Variants in PCNX2 observed in about 807,000 individuals in gnomAD.
PCNX2 encodes pecanex-like protein 2.
Under a neutral mutation model 223.8 loss-of-function variants are expected in PCNX2, and 168 were observed. The ratio of observed to expected loss-of-function variants is 0.75; its 90% CI spans 0.66 to 0.85. PCNX2 has a LOEUF of 0.85. PCNX2 is among the 40% of genes least tolerant of loss of function. The pLI is 0.00. For synonymous variants in PCNX2, 1,006 were observed against 1,052.6 expected (o/e 0.96, Z 0.86); for missense variants, 2,507 against 2,675.5 (o/e 0.94, Z 1.39).
chr1:233,054,678 G>A, intron 24 of PCNX2, 195 bp from the exon 25 acceptor site: 1 of 540,018 alleles, frequency 1.9e-6, no homozygotes, highest in Non-Finnish European at 3.3e-6. Context: ...TATTCTCTCT[G>A]TGTAATTTAT....
chr1:233,093,593 G>A (rs1673997824), intron 22 of PCNX2, among the ~76,000 whole-genome samples: 1 of 152,166 alleles, frequency 6.6e-6, no homozygotes, highest in Non-Finnish European at 1.5e-5. Context: ...TGAACAGCAT[G>A]ATGTTGGACT....
intron 15 of PCNX2, among the ~76,000 whole-genome samples, chr1:233,179,444 T>C (rs974763134): frequency 5.9e-5 from 9 of 152,220 alleles, no homozygotes; most frequent in Admixed American, 3.3e-4. Flanking sequence ...AAGCTTAGAA[T>C]GTTCTATAGA....
chr1:233,164,602 G>T (rs971842464), intron 17 of PCNX2, among the ~76,000 whole-genome samples: 1 of 150,518 alleles, frequency 6.6e-6, no homozygotes, highest in Non-Finnish European at 1.5e-5. Flanking sequence ...TACCATTTTT[G>T]CATATGATAT....
At chr1:233,110,743 A>T (rs11581843) in intron 21 of PCNX2, among the ~76,000 whole-genome samples, 28,197 of 151,584 alleles carry the variant, frequency 0.19, 2,746 homozygotes, top group East Asian at 0.25. Context: ...GCACAAAGGA[A>T]AGGAAGGAGA....
chr1:233,208,540 T>C lies in PCNX2; in HGVS notation c.2841A>G (p.Gln947=), dbSNP rs1423135220. 1.9e-6 allele frequency: 3 copies of C among 1,613,840 alleles called. No individual in the cohort carries two copies. Among genetic ancestry groups the C allele is most frequent in the Non-Finnish European group, 2.5e-6 (3 of 1,179,844 alleles). The change falls in exon 13 of 34, where the codon CAA becomes CAG. Residue 947 remains glutamine (Q), a synonymous_variant. Coordinates refer to ENST00000258229, the MANE Select transcript of PCNX2 (RefSeq NM_014801.4). The part of the protein sequence containing the change: ...GLKLFSPVFL[Q]SARDYLIVFL... ...CACCTATTAAGTAGTCCCTAGCTGATTGTAGAAACACTGGAGAGAAGAGCT... is the reference window on the plus strand; with the variant it reads ...CACCTATTAAGTAGTCCCTAGCTGACTGTAGAAACACTGGAGAGAAGAGCT...
chr1:233,230,992 T>C (rs1403128640), intron 9 of PCNX2, among the ~76,000 whole-genome samples: 4 of 152,192 alleles, frequency 2.6e-5, no homozygotes, highest in Non-Finnish European at 1.5e-5. Flanking sequence ...TTTGATGATA[T>C]TAGTAATTGC....
chr1:233,016,513 T>G (rs1249146891), intron 27 of PCNX2, among the ~76,000 whole-genome samples: 3 of 152,220 alleles, frequency 2.0e-5, no homozygotes, highest in Non-Finnish European at 4.4e-5. Flanking sequence ...TGACAGAAGT[T>G]AAGTTGGACC....
chr1:233,131,522 C>T (rs1221351267), intron 21 of PCNX2, among the ~76,000 whole-genome samples: 2 of 152,070 alleles, frequency 1.3e-5, no homozygotes, highest in Admixed American at 6.6e-5. Flanking sequence ...GGCTTTTTTC[C>T]AGGAAAATCA....
intron 32 of PCNX2, among the ~76,000 whole-genome samples, chr1:232,995,108 C>T (rs1287399753): frequency 1.3e-5 from 2 of 152,154 alleles, no homozygotes; most frequent in African/African-American, 4.8e-5. Flanking sequence ...TAGAGTAGAA[C>T]CTGAGAACTG....
chr1:233,024,477 CA>C (rs937644772), intron 26 of PCNX2, among the ~76,000 whole-genome samples: 1 of 152,154 alleles, frequency 6.6e-6, no homozygotes, highest in Non-Finnish European at 1.5e-5. Flanking sequence ...TTTCCTCTGC[CA>C]CACGGCTCTC....
At chr1:233,197,190 A>ATTAT (rs1024116691) in intron 15 of PCNX2, among the ~76,000 whole-genome samples, 2 of 152,188 alleles carry the variant, frequency 1.3e-5, no homozygotes, top group Non-Finnish European at 1.5e-5. Flanking sequence ...TGATTGTAGG[A>ATTAT]TTATTTATTT....
At chr1:233,176,074 A>G (rs982238220) in intron 17 of PCNX2, among the ~76,000 whole-genome samples, 5 of 152,198 alleles carry the variant, frequency 3.3e-5, no homozygotes, top group Non-Finnish European at 5.9e-5. Flanking sequence ...CTGGATCAAC[A>G]GACTATTTCT....
intron 24 of PCNX2, 98 bp downstream of exon 24, chr1:233,057,134 T>C (rs978020403): frequency 1.2e-5 from 12 of 1,034,298 alleles, no homozygotes; most frequent in Admixed American, 6.9e-5. Flanking sequence ...ATGTGCATTG[T>C]CTCCACAATG....
In PCNX2 at chr1:233,102,220, T is replaced by C. The variant is rs1674524216; in HGVS notation, c.3838-6357A>G. Among the ~76,000 whole-genome samples the C allele has an allele frequency of 2.0e-5, 3 of 152,140 alleles. No individual in the cohort carries two copies. The South Asian group carries it at 6.2e-4, about 31-fold the overall frequency. ...TTGCAAATTGACAGGATTTTATTTGTTTTATGGTTGAATAAATTCCATTGT... is the reference window on the plus strand; with the variant it reads ...TTGCAAATTGACAGGATTTTATTTGCTTTATGGTTGAATAAATTCCATTGT... On this transcript the variant is annotated intron_variant, in intron 21 of 33. Coordinates refer to ENST00000258229, the MANE Select transcript of PCNX2 (RefSeq NM_014801.4).
intron 28 of PCNX2, among the ~76,000 whole-genome samples, chr1:233,003,159 T>G (rs1285512827): frequency 3.3e-5 from 5 of 152,034 alleles, no homozygotes; most frequent in Admixed American, 2.0e-4. Flanking sequence ...ACAAATGGGA[T>G]CTAATTAAAC....
chr1:233,294,223 T>C lies in PCNX2; in HGVS notation c.153+1103A>G, dbSNP rs1224632464. Among the ~76,000 whole-genome samples, 4 of 152,224 alleles carry C rather than the reference T, an allele frequency of 2.6e-5. No individual in the cohort carries two copies. In the East Asian group the frequency reaches 7.7e-4, roughly 29 times the overall value. On this transcript the variant is annotated intron_variant, in intron 1 of 33. Transcript: ENST00000258229. ...AGGTCAAGACAGACCTGTGGCTTTA[T>C]ATGTACTATCTCATTTAATCCCTAA...
chr1:233,095,623 C>T, intron 22 of PCNX2, 132 bp downstream of exon 22: 1 of 812,964 alleles, frequency 1.2e-6, no homozygotes, highest in East Asian at 2.7e-5. Context: ...ATCCAAAGTG[C>T]CTCTTCATGT....
intron 13 of PCNX2, among the ~76,000 whole-genome samples, chr1:233,206,078 G>T (rs1681435585): frequency 6.6e-6 from 1 of 152,016 alleles, no homozygotes; most frequent in Non-Finnish European, 1.5e-5. Context: ...ATGAGAAAGG[G>T]ATGAGAAGGG....
At chr1:233,316,278 A>ACAGGCTGAATT in the PCNX2 span, among the ~76,000 whole-genome samples, 48 of 152,308 alleles carry the variant, frequency 3.2e-4, no homozygotes, top group African/African-American at 1.1e-3. Flanking sequence ...GTAACCTAAC[A>ACAGGCTGAATT]CAGGCTGAAT....
Sources: allele counts gnomAD v4.1 joint callset (sites outside exome capture counted in the v4.1 genomes callset), GRCh38; gene constraint gnomAD v4.1.1; transcripts MANE v1.5; gene names NCBI Gene and HGNC (gene_info 2026-07-23, HGNC 2026-07-21).